The following CCDC186 variants were observed in gnomAD, a reference collection of about 807,000 sequenced individuals.
The protein encoded by CCDC186 is coiled-coil domain containing 186.
In CCDC186, 49 loss-of-function variants were observed where a neutral mutation model predicts 113.7. The observed-to-expected ratio is 0.43, with a 90% CI of 0.34 to 0.55. The LOEUF is 0.55. Among genes scored for constraint, CCDC186 ranks in the 20% least tolerant of loss-of-function variants. The pLI, the probability that CCDC186 is intolerant of heterozygous loss-of-function variation, is 0.02. For missense variants in CCDC186, 890 were observed against 1,011.1 expected, an observed-to-expected ratio of 0.88 and a Z score of 1.62; for synonymous variants, 355 against 345.8, an observed-to-expected ratio of 1.03 and a Z score of -0.30.
At chr10:114,167,799 TAAAAAAAAAAAAAAAA>T (rs60257583) in intron 1 of CCDC186, among the ~76,000 whole-genome samples, 1 of 71,300 alleles carries the variant, frequency 1.4e-5, no homozygotes, top group South Asian at 6.0e-4. Context: ...CTAATCTCCG[TAAAAAAAAAAAAAAAA>T]AAAAAAAAAA....
Position 114,129,968 on chromosome 10 carries a change from C to T in CCDC186, c.2105G>A (p.Arg702Gln), listed in dbSNP as rs751879404. ...KDLTKQLQQA[R>Q]RKLDQVESGS... ...ACTCTCAACCTGATCTAATTTTCTTCGTGCTATAGGAAAAAGAAGATTATT... is the reference window on the plus strand; with the variant it reads ...ACTCTCAACCTGATCTAATTTTCTTTGTGCTATAGGAAAAAGAAGATTATT... Residue 702 changes from arginine to glutamine, a missense_variant, in exon 13 of 16, where the codon CGA (arginine) becomes CAA (glutamine). Physicochemically the swap from Arg to Gln is conservative, Grantham distance 43. Transcript: ENST00000369287. 8.7e-6 allele frequency: 14 copies of T among 1,612,864 alleles called. No individual in the cohort carries two copies. Among genetic ancestry groups the T allele is most frequent in the East Asian group, 6.7e-5 (3 of 44,806 alleles).
intron 13 of CCDC186, 93 bp downstream of exon 13, chr10:114,129,798 G>A: frequency 9.2e-7 from 1 of 1,087,142 alleles, no homozygotes; most frequent in Non-Finnish European, 1.4e-6. Flanking sequence ...CCAAAGTGCT[G>A]GGATTACAGG....
rs554900472 is a variant in CCDC186, at chr10:114,129,924, C to T, written c.2149G>A (p.Val717Ile). ...QVESGSYDKE[V>I]SSMGSRSSSS... ...CTAGAACGACTTCCCATGCTGCTGA[C>T]TTCTTTGTCATAGCTTCCACTCTCA... Residue 717 changes from valine to isoleucine, a missense_variant, in exon 13 of 16, where the codon GTC (valine) becomes ATC (isoleucine). Transcript: ENST00000369287. 8 of 1,613,664 alleles carry T rather than the reference C, an allele frequency of 5.0e-6. No homozygotes were observed. In the South Asian group the frequency reaches 7.7e-5, roughly 16 times the overall value.
In CCDC186 at chr10:114,132,084, A is replaced by T. The variant is rs781026962; in HGVS notation, c.1756T>A (p.Ser586Thr). The T allele has an allele frequency of 1.9e-6, 3 of 1,613,484 alleles. 1 individual carries two copies. Among genetic ancestry groups the T allele is most frequent in the Non-Finnish European group, 2.5e-6 (3 of 1,179,796 alleles). Residue 586 changes from serine to threonine, a missense_variant, in exon 11 of 16, where the codon TCT becomes ACT. Ser to Thr is a moderately conservative substitution (Grantham distance 58). Coordinates refer to ENST00000369287, the MANE Select transcript of CCDC186 (RefSeq NM_018017.4). The stretch of plus-strand genomic sequence containing the variant: ...CTTTCTGTAAACAGCAGCAGCTCAG[A>T]TTCTCTTTTCCTACTGCCTTCGATG... ...KDIEGSRKRE[S>T]ELLLFTERLT... is the part of the protein sequence containing the mutation.
At chr10:114,144,773 A>G (rs946592797) in intron 5 of CCDC186, among the ~76,000 whole-genome samples, 157 bp from the exon 6 acceptor site, 12 of 152,256 alleles carry the variant, frequency 7.9e-5, no homozygotes, top group African/African-American at 2.6e-4. Flanking sequence ...TCCAAATGAG[A>G]AGAGGGTAGT....
intron 1 of CCDC186, among the ~76,000 whole-genome samples, chr10:114,167,372 CG>C (rs2032366340): frequency 6.6e-6 from 1 of 152,016 alleles, no homozygotes; most frequent in Admixed American, 6.6e-5. Context: ...TGTGTATATA[CG>C]TAACAAAGCC....
chr10:114,166,884 C>T (rs2032348977), intron 1 of CCDC186, among the ~76,000 whole-genome samples: 1 of 152,128 alleles, frequency 6.6e-6, no homozygotes, highest in Non-Finnish European at 1.5e-5. Context: ...TATCCTCCTC[C>T]TGTAAATTAA....
chr10:114,131,863 T>C (rs2031098085), intron 11 of CCDC186, 66 bp downstream of exon 11: 5 of 1,405,668 alleles, frequency 3.6e-6, no homozygotes, highest in East Asian at 4.9e-5. Context: ...ATTACTTTTA[T>C]ACTGTTAGGG....
intron 7 of CCDC186, among the ~76,000 whole-genome samples, chr10:114,136,648 C>T (rs2031270914): frequency 6.6e-6 from 1 of 152,160 alleles, no homozygotes; most frequent in Non-Finnish European, 1.5e-5. Flanking sequence ...TCCTTGCACT[C>T]TTCATTCTTC....
chr10:114,164,201 A>G (rs928528675), intron 1 of CCDC186, among the ~76,000 whole-genome samples: 1 of 125,692 alleles, frequency 8.0e-6, no homozygotes, highest in Non-Finnish European at 1.6e-5. Flanking sequence ...GCTCACTGCT[A>G]CCTCTGCCTC....
At chr10:114,159,567 T>C (rs1470311933) in intron 2 of CCDC186, among the ~76,000 whole-genome samples, 6 of 133,624 alleles carry the variant, frequency 4.5e-5, no homozygotes, top group African/African-American at 1.7e-4. Flanking sequence ...CGCTTGAACC[T>C]GGGAAGCGGA....
intron 14 of CCDC186, among the ~76,000 whole-genome samples, chr10:114,127,036 A>G (rs1227612731): frequency 6.6e-6 from 1 of 151,974 alleles, no homozygotes; most frequent in African/African-American, 2.4e-5. Context: ...TAAGCAATCA[A>G]TGAGATACCG....
intron 2 of CCDC186, among the ~76,000 whole-genome samples, chr10:114,160,269 CAAAA>C (rs78640501): frequency 8.8e-6 from 1 of 114,216 alleles, no homozygotes. Context: ...AACTCCACCT[CAAAA>C]AAAAAAAAAA....
chr10:114,161,680 C>T (rs1300497132), intron 2 of CCDC186: 2 of 152,110 alleles, frequency 1.3e-5, no homozygotes, highest in Non-Finnish European at 2.9e-5. Context: ...CAACAGCAGG[C>T]ATTTGTTTGG....
At chr10:114,148,992 G>A (rs953242499) in intron 4 of CCDC186, among the ~76,000 whole-genome samples, 2 of 152,170 alleles carry the variant, frequency 1.3e-5, no homozygotes, top group Non-Finnish European at 2.9e-5. Context: ...AGATAAACAA[G>A]TGTTCATTTT....
chr10:114,129,654 C>T (rs912282956), intron 13 of CCDC186, among the ~76,000 whole-genome samples: 4 of 152,074 alleles, frequency 2.6e-5, no homozygotes, highest in Non-Finnish European at 4.4e-5. Context: ...CTCAGCCTCC[C>T]GAGTAGCTGG....
intron 14 of CCDC186, 71 bp downstream of exon 14, chr10:114,127,390 T>C (rs1363024866): frequency 1.4e-6 from 2 of 1,398,158 alleles, no homozygotes; most frequent in Non-Finnish European, 2.0e-6. Flanking sequence ...TGACTAATTT[T>C]AAAAACAGTA....
At chr10:114,152,946 T>C (rs1202089239) in intron 3 of CCDC186, among the ~76,000 whole-genome samples, 1 of 152,162 alleles carries the variant, frequency 6.6e-6, no homozygotes, top group African/African-American at 2.4e-5. Flanking sequence ...TAAATGTATA[T>C]GCATCTAAGA....
chr10:114,156,007 C>T (rs1162653719), intron 3 of CCDC186, among the ~76,000 whole-genome samples: 1 of 152,108 alleles, frequency 6.6e-6, no homozygotes, highest in Admixed American at 6.6e-5. Context: ...CACTAATAAG[C>T]TCATGAAAGG....
Sources: gnomAD v4.1 joint callset for allele counts (sites outside exome capture counted in the v4.1 genomes callset) on GRCh38, gnomAD v4.1.1 for gene constraint, MANE v1.5 for transcripts, NCBI Gene and HGNC (gene_info 2026-07-23, HGNC 2026-07-21) for gene names.